FAM53A: variants seen among roughly 807,000 people sequenced by gnomAD.
FAM53A encodes the protein protein FAM53A.
In FAM53A, 28 loss-of-function variants were observed where a neutral mutation model predicts 26.6. The ratio of observed to expected loss-of-function variants is 1.05; its 90% CI spans 0.78 to 1.45. FAM53A has a LOEUF of 1.45. Among genes scored for constraint, FAM53A ranks in the 40% most tolerant of loss-of-function variants. The pLI, the probability that FAM53A is intolerant of heterozygous loss-of-function variation, is 0.00. For synonymous variants in FAM53A, 290 were observed against 253.1 expected (o/e 1.15, Z -1.38); for missense variants, 650 against 575.8 (o/e 1.13, Z -1.32).
intron 1 of FAM53A, among the ~76,000 whole-genome samples, chr4:1,623,652 G>A (rs2108750733): frequency 6.6e-6 from 1 of 152,354 alleles, no homozygotes; most frequent in East Asian, 1.9e-4. Flanking sequence ...GAACACGGCG[G>A]CAGCTCATCT....
chr4:1,592,241 G>A, the FAM53A span, among the ~76,000 whole-genome samples: 653 of 152,244 alleles, frequency 4.3e-3, 2 homozygotes, highest in African/African-American at 0.015. Context: ...TCTCGTGAAG[G>A]TTTTCTAAAT....
downstream of FAM53A, among the ~76,000 whole-genome samples, chr4:1,635,002 T>C (rs990106013): frequency 6.6e-6 from 1 of 152,232 alleles, no homozygotes; most frequent in Non-Finnish European, 1.5e-5. Context: ...TGCAGGACTA[T>C]TTACAGGTTC....
At chr4:1,671,162 G>C (rs1415208084) in intron 1 of FAM53A, among the ~76,000 whole-genome samples, 45 of 147,140 alleles carry the variant, frequency 3.1e-4, no homozygotes, top group African/African-American at 5.4e-4. Flanking sequence ...CTCTGTCCCA[G>C]CGTCAGAGCC....
chr4:1,630,449 G>A lies in FAM53A; in HGVS notation c.432-12338C>T, dbSNP rs1227037058. On this transcript the variant is annotated intron_variant, in intron 1 of 1. Transcript: ENST00000489029. The surrounding 1 kb of genome is among the most constrained non-coding windows in gnomAD (Gnocchi z 4.3). ...CAGGCCGCGTCTGTATGTGGCCAGT[G>A]GGCCGCGGTTTGCCGACCCCCAACT... Among the ~76,000 whole-genome samples, 1 of 152,246 alleles carries A rather than the reference G, an allele frequency of 6.6e-6. No individual in the cohort carries two copies. The highest frequency in any genetic ancestry group is 2.4e-5 in the African/African-American group (1 of 41,468).
chr4:1,677,125 C>T (rs1031123564), intron 1 of FAM53A, among the ~76,000 whole-genome samples: 5 of 152,196 alleles, frequency 3.3e-5, no homozygotes, highest in African/African-American at 4.8e-5. Flanking sequence ...AAGGGGGGCA[C>T]GTGAAGACCA....
intron 1 of FAM53A, among the ~76,000 whole-genome samples, chr4:1,677,302 C>T (rs1715110392): frequency 6.6e-6 from 1 of 152,230 alleles, no homozygotes; most frequent in Non-Finnish European, 1.5e-5. Flanking sequence ...GCGCACTCTG[C>T]ACCCCACCCT....
At chr4:1,679,860 C>T (rs1715295586) in intron 1 of FAM53A, among the ~76,000 whole-genome samples, 2 of 151,494 alleles carry the variant, frequency 1.3e-5, no homozygotes, top group Admixed American at 6.6e-5. Flanking sequence ...ACCAGCCTGG[C>T]CCACACATCG....
At chr4:1,590,366 A>T in the FAM53A span, among the ~76,000 whole-genome samples, 4 of 152,164 alleles carry the variant, frequency 2.6e-5, no homozygotes, top group African/African-American at 9.7e-5. Context: ...TGTGCCCCAC[A>T]TCTGGACAAG....
upstream of FAM53A, among the ~76,000 whole-genome samples, chr4:1,684,501 G>A (rs2109100389): frequency 6.6e-6 from 1 of 151,056 alleles, no homozygotes; most frequent in South Asian, 2.1e-4. Context: ...AGTCCGCAGC[G>A]CGCCCTGTGC....
At chr4:1,576,850 T>A in the FAM53A span, among the ~76,000 whole-genome samples, 1 of 152,176 alleles carries the variant, frequency 6.6e-6, no homozygotes, top group East Asian at 1.9e-4. Flanking sequence ...GACATCAGAC[T>A]TCACTTCCCA....
At chr4:1,603,391 G>A in the FAM53A span, among the ~76,000 whole-genome samples, 7 of 152,170 alleles carry the variant, frequency 4.6e-5, no homozygotes, top group Admixed American at 3.9e-4. Flanking sequence ...AGGCAGAGCC[G>A]ACCACAGCAA....
In FAM53A at chr4:1,659,299, A is replaced by AG. The variant is rs1713651696; in HGVS notation, c.76-1832dup. On this transcript the variant is annotated intron_variant, in intron 2 of 4. Coordinates refer to ENST00000308132, the MANE Select transcript of FAM53A (RefSeq NM_001174070.3). This position sits in a 1 kb window ranked among gnomAD's most constrained non-coding sequence, Gnocchi z 5.2. Reference sequence around the variant, plus strand: ...AAGGACTTGAAGGCTTTCACGCCACAGGGACCCTTGTTGCTGTCGATCCTC... The same window carrying AG: ...AAGGACTTGAAGGCTTTCACGCCACAGGGGACCCTTGTTGCTGTCGATCCTC... Among the ~76,000 whole-genome samples the AG allele has an allele frequency of 6.6e-6, 1 of 152,232 alleles. No individual in the cohort carries two copies. Among genetic ancestry groups the AG allele is most frequent in the African/African-American group, 2.4e-5 (1 of 41,468 alleles).
Position 1,633,477 on chromosome 4 carries a change from G to A in FAM53A, c.432-15366C>T, listed in dbSNP as rs57377603. On this transcript the variant is annotated intron_variant, in intron 1 of 1. Coordinates refer to the FAM53A transcript ENST00000489029. ...CACAACTTTAAATGCTTTTATTACT[G>A]AGCAAGAGAGACTGGAAATAAATGA... Among the ~76,000 whole-genome samples, 203 of 152,276 alleles carry A rather than the reference G, an allele frequency of 1.3e-3. 1 individual carries two copies. The highest frequency in any genetic ancestry group is 4.7e-3 in the African/African-American group (195 of 41,542).
Position 1,641,408 on chromosome 4 carries a change from C to T in FAM53A, c.1082G>A (p.Ser361Asn). 1 of 1,611,640 alleles carries T rather than the reference C, an allele frequency of 6.2e-7. No homozygotes were observed. The highest frequency in any genetic ancestry group is 8.5e-7 in the Non-Finnish European group (1 of 1,179,160). The change falls in exon 5 of 5, where the codon AGT (serine) becomes AAT (asparagine). Residue 361 changes from serine to asparagine, a missense_variant. Ser to Asn is a conservative substitution (Grantham distance 46, BLOSUM62 1). Transcript: ENST00000308132. ...NLWASRESVT[S>N]DGSRRSSGDP... Reference sequence around the variant, plus strand: ...CCCGCTGCTCCTGCGGGAGCCATCACTGGTCACCGACTCCCTAGAGGCCCA... The same window carrying T: ...CCCGCTGCTCCTGCGGGAGCCATCATTGGTCACCGACTCCCTAGAGGCCCA...
chr4:1,607,940 C>CA, the FAM53A span, among the ~76,000 whole-genome samples: 8,651 of 121,644 alleles, frequency 0.071, 801 homozygotes, highest in African/African-American at 0.22. Context: ...GACTCCGTCT[C>CA]AAAAAAAAAA....
downstream of FAM53A, among the ~76,000 whole-genome samples, chr4:1,638,742 C>T (rs940183640): frequency 1.3e-5 from 2 of 150,322 alleles, no homozygotes; most frequent in Admixed American, 1.3e-4. Flanking sequence ...CGCTCCCACA[C>T]ACCCAGGCCA....
the FAM53A span, among the ~76,000 whole-genome samples, chr4:1,588,197 T>C: frequency 6.6e-6 from 1 of 152,228 alleles, no homozygotes; most frequent in Admixed American, 6.5e-5. Context: ...TCAGGTGAAT[T>C]CCTAGGTCCT....
At chr4:1,685,411 C>T (rs932077344), upstream of FAM53A, among the ~76,000 whole-genome samples, 2 of 151,794 alleles carry the variant, frequency 1.3e-5, no homozygotes, top group Admixed American at 6.5e-5. Flanking sequence ...CCGTGGGGCT[C>T]GGTGGCCACG....
At chr4:1,621,248 C>T (rs1315950286) in intron 1 of FAM53A, among the ~76,000 whole-genome samples, 11 of 151,954 alleles carry the variant, frequency 7.2e-5, no homozygotes, top group Admixed American at 1.3e-4. Context: ...GGACTACAGG[C>T]GCCCGCCACC....
Sources: allele counts gnomAD v4.1 joint callset (sites outside exome capture counted in the v4.1 genomes callset), GRCh38; gene constraint gnomAD v4.1.1; non-coding constraint Gnocchi (gnomAD v3.1); transcripts MANE v1.5; gene names NCBI Gene and HGNC (gene_info 2026-07-23, HGNC 2026-07-21).